KASH5: variants seen among roughly 807,000 people sequenced by gnomAD.
The protein encoded by KASH5 is KASH domain containing 5, also known as protein KASH5.
A neutral mutation model predicts 84.2 loss-of-function variants in KASH5; 72 were observed. The observed-to-expected ratio is 0.85, with a 90% CI of 0.71 to 1.04. The LOEUF is 1.04. KASH5 is among the 50% of genes least tolerant of loss of function. The pLI, the probability that KASH5 is intolerant of heterozygous loss-of-function variation, is 0.00. For synonymous variants in KASH5, 260 were observed against 279.1 expected, an observed-to-expected ratio of 0.93 and a Z score of 0.68; for missense variants, 650 against 701.0, an observed-to-expected ratio of 0.93 and a Z score of 0.82.
intron 11 of KASH5, 113 bp from the exon 12 acceptor site, chr19:49,407,499 C>G (rs1974565746): frequency 1.6e-6 from 2 of 1,246,838 alleles, no homozygotes; most frequent in Admixed American, 4.0e-5. Flanking sequence ...TGCCCCAGCT[C>G]TTCCCTCAAG....
intron 9 of KASH5, among the ~76,000 whole-genome samples, chr19:49,404,944 G>A (rs943728973): frequency 5.9e-5 from 9 of 152,134 alleles, no homozygotes; most frequent in East Asian, 3.8e-4. Context: ...GGGAACAAGA[G>A]CGCAATCAGC....
Position 49,417,250 on chromosome 19 carries a change from C to T in KASH5, c.1531C>T (p.Pro511Ser). Reference sequence around the variant, plus strand: ...GAGGGCCTGGGGCCAGCTCTGCCTGCCCCCACAGCGGCTCAGGTGTGCCCC... The same window carrying T: ...GAGGGCCTGGGGCCAGCTCTGCCTGTCCCCACAGCGGCTCAGGTGTGCCCC... Reference protein sequence around the residue: ...RRRAWGQLCLPPQRLRVTRHP... With the variant: ...RRRAWGQLCLSPQRLRVTRHP... Residue 511 changes from proline (P) to serine (S), a missense_variant, in exon 19 of 20, where the codon CCC becomes TCC. Pro to Ser is a moderately conservative substitution (Grantham distance 74). Coordinates refer to ENST00000447857, the MANE Select transcript of KASH5 (RefSeq NM_144688.5). The surrounding 1 kb of genome is among the most constrained non-coding windows in gnomAD (Gnocchi z 5.2). The T allele has an allele frequency of 1.2e-6, 2 of 1,613,030 alleles. No individual in the cohort carries two copies. The highest frequency in any genetic ancestry group is 8.5e-7 in the Non-Finnish European group (1 of 1,179,520).
intron 5 of KASH5, among the ~76,000 whole-genome samples, chr19:49,396,167 A>T (rs1452468423): frequency 6.6e-6 from 1 of 150,894 alleles, no homozygotes; most frequent in African/African-American, 2.4e-5. Context: ...CCTTCCTCGA[A>T]TGTGCCCCAC....
Position 49,395,771 on chromosome 19 carries a change from G to A in KASH5, c.338G>A (p.Gly113Glu), listed in dbSNP as rs1974155389. ...DWIAACQLHG[G>E]LELEEETAFQ... ...TAAGCCTCATCCCTTTGATACAGGGGATTAGAGCTGGAAGAGGAGACCGCC... is the reference window on the plus strand; with the variant it reads ...TAAGCCTCATCCCTTTGATACAGGGAATTAGAGCTGGAAGAGGAGACCGCC... The change falls in exon 5 of 20, where the codon GGA becomes GAA. Residue 113 changes from glycine to glutamate, a missense_variant and splice_region_variant. Coordinates refer to ENST00000447857, the MANE Select transcript of KASH5 (RefSeq NM_144688.5). The surrounding 1 kb of genome is among the most constrained non-coding windows in gnomAD (Gnocchi z 4.4). 6.4e-7 allele frequency: 1 copy of A among 1,559,218 alleles called. No homozygotes were observed. The highest frequency in any genetic ancestry group is 1.4e-5 in the African/African-American group (1 of 73,648).
chr19:49,413,521 C>A (rs1434855870), intron 16 of KASH5, among the ~76,000 whole-genome samples: 1 of 152,152 alleles, frequency 6.6e-6, no homozygotes, highest in African/African-American at 2.4e-5. Flanking sequence ...CTCCCCCTCC[C>A]CTCTTTCAGG....
intron 9 of KASH5, among the ~76,000 whole-genome samples, chr19:49,403,388 G>A (rs56146446): frequency 5.6e-5 from 8 of 141,704 alleles, no homozygotes; most frequent in Admixed American, 2.8e-4. Context: ...AAAAAAAAGG[G>A]GGGGGGCAGC....
intron 1 of KASH5, chr19:49,390,400 T>G (rs73068849): frequency 0.2 from 32,077 of 159,552 alleles, 3,657 homozygotes; most frequent in Non-Finnish European, 0.25. Context: ...TACCCAGGAT[T>G]CAGGGAGCCA....
At chr19:49,402,659 A>G (rs936142531) in intron 9 of KASH5, among the ~76,000 whole-genome samples, 8 of 152,150 alleles carry the variant, frequency 5.3e-5, no homozygotes, top group African/African-American at 1.9e-4. Flanking sequence ...GCGAGCTGAG[A>G]TTGTGCCACC....
At chr19:49,400,995 T>C (rs1000874160) in intron 9 of KASH5, among the ~76,000 whole-genome samples, 1 of 152,224 alleles carries the variant, frequency 6.6e-6, no homozygotes, top group Non-Finnish European at 1.5e-5. Flanking sequence ...AGGAGGCTGC[T>C]GATCCTCACT....
chr19:49,388,595 G>T (rs1219876797), intron 1 of KASH5: 1 of 152,072 alleles, frequency 6.6e-6, no homozygotes, highest in Admixed American at 6.6e-5. Flanking sequence ...AGGAGGCTGG[G>T]GCAGGAGAAC....
chr19:49,409,722 TC>T, intron 14 of KASH5, 30 bp from the exon 15 acceptor site: 1 of 1,613,526 alleles, frequency 6.2e-7, no homozygotes, highest in Non-Finnish European at 8.5e-7. Context: ...AATATGGCTC[TC>T]CCTGACCTCG....
chr19:49,415,311 G>A (rs1307978629), intron 17 of KASH5: 5 of 442,634 alleles, frequency 1.1e-5, no homozygotes, highest in East Asian at 4.5e-5. Flanking sequence ...AAATGCACAC[G>A]CACATGCGCC....
chr19:49,397,871 G>A lies in KASH5; in HGVS notation c.468-111G>A. 8 of 1,449,062 alleles carry A rather than the reference G, an allele frequency of 5.5e-6. 1 individual carries two copies. Among genetic ancestry groups the A allele is most frequent in the Non-Finnish European group, 7.5e-6 (8 of 1,061,230 alleles). 89.8% of individuals were successfully genotyped at this position (1,449,062 alleles called of 1,614,324 possible). A position where few individuals can be genotyped will look rare whatever the true frequency, so the allele number is the denominator to read the frequency against. On this transcript the variant is annotated intron_variant, in intron 6 of 19. Coordinates refer to ENST00000447857, the MANE Select transcript of KASH5 (RefSeq NM_144688.5). ...GGGAGAGCAGAGGAGTCTCTCTCCT[G>A]TTTATCTTTCCCCAAAAGAGCCACA...
chr19:49,415,928 G>A (rs891826070), intron 17 of KASH5, among the ~76,000 whole-genome samples: 28 of 152,150 alleles, frequency 1.8e-4, no homozygotes, highest in African/African-American at 6.5e-4. Flanking sequence ...AAAGGTATGG[G>A]GGTAGGAAAG....
chr19:49,407,740 T>C (rs1974578239), intron 12 of KASH5, 69 bp downstream of exon 12: 1 of 1,481,600 alleles, frequency 6.7e-7, no homozygotes, highest in Non-Finnish European at 9.2e-7. Flanking sequence ...TGGGACTTGC[T>C]GCCTCTCCTC....
intron 15 of KASH5, among the ~76,000 whole-genome samples, chr19:49,410,442 C>T (rs942946544): frequency 4.0e-5 from 6 of 151,870 alleles, no homozygotes; most frequent in African/African-American, 1.5e-4. Flanking sequence ...CCCACCTCAG[C>T]CTCCCAAGTA....
At position 49,395,087 on chromosome 19, in the gene KASH5, A is replaced by G. The variant is rs1246234489; in HGVS notation, c.149-19A>G. On this transcript the variant is annotated intron_variant, in intron 3 of 19. Transcript: ENST00000447857. The surrounding 1 kb of genome is among the most constrained non-coding windows in gnomAD (Gnocchi z 4.4). ...CTCCCCACCTGCCCCAGACCCCCTC[A>G]CTGCATGCTCTGTCACAGGCACTGT... 2.5e-6 allele frequency: 4 copies of G among 1,586,020 alleles called. No homozygotes were observed. Among genetic ancestry groups the G allele is most frequent in the Admixed American group, 1.8e-5 (1 of 54,812 alleles).
Position 49,414,985 on chromosome 19 carries a change from A to C in KASH5, c.1363A>C (p.Ser455Arg), listed in dbSNP as rs1466152146. ...AAGAGAGGAAGAGGAGGATGCAGAG[A>C]GCCAGGTCACGGTAGGCAGTCCCCA... ...TRREEEEDAESQVTADLPVPL... is the reference protein window; with the variant it reads ...TRREEEEDAERQVTADLPVPL... Residue 455 changes from serine (S) to arginine (R), a missense_variant, in exon 17 of 20, where the codon AGC (serine) becomes CGC (arginine). Physicochemically the swap from Ser to Arg is moderately radical, Grantham distance 110. Coordinates refer to ENST00000447857, the MANE Select transcript of KASH5 (RefSeq NM_144688.5). The surrounding 1 kb of genome is among the most constrained non-coding windows in gnomAD (Gnocchi z 4.5). 1 of 1,612,968 alleles carries C rather than the reference A, an allele frequency of 6.2e-7. No individual in the cohort carries two copies. The highest frequency in any genetic ancestry group is 8.5e-7 in the Non-Finnish European group (1 of 1,179,560).
chr19:49,405,850 G>C (rs1252764440), intron 9 of KASH5, among the ~76,000 whole-genome samples: 1 of 151,876 alleles, frequency 6.6e-6, no homozygotes, highest in Non-Finnish European at 1.5e-5. Context: ...CAGCTACTTG[G>C]GAGGGTGAGG....
Sources: gnomAD v4.1 joint callset for allele counts (sites outside exome capture counted in the v4.1 genomes callset) on GRCh38, gnomAD v4.1.1 for gene constraint, Gnocchi (gnomAD v3.1) non-coding constraint, MANE v1.5 for transcripts, NCBI Gene and HGNC (gene_info 2026-07-23, HGNC 2026-07-21) for gene names.